Variants in MSRA observed in about 807,000 individuals in gnomAD.
MSRA encodes mitochondrial peptide methionine sulfoxide reductase.
MSRA carries 54 observed loss-of-function variants against 31.3 expected under a neutral mutation model. That is an observed-to-expected ratio of 1.73 (90% CI 1.39 to 2.17). The LOEUF is 2.17. MSRA is among the 30% of genes most tolerant of loss of function. MSRA has a pLI of 0.00. For synonymous variants in MSRA, 169 were observed against 116.5 expected (o/e 1.45, Z -2.90); for missense variants, 507 against 300.9 (o/e 1.69, Z -5.07).
At chr8:10,125,585 G>C (rs1801441897) in intron 1 of MSRA, among the ~76,000 whole-genome samples, 3 of 152,192 alleles carry the variant, frequency 2.0e-5, no homozygotes, top group African/African-American at 4.8e-5. Context: ...CCTGAACCGG[G>C]CTAAGGAGCT....
intron 1 of MSRA, among the ~76,000 whole-genome samples, chr8:10,071,237 T>C (rs536796750): frequency 9.3e-4 from 142 of 152,362 alleles, no homozygotes; most frequent in African/African-American, 3.1e-3. Context: ...TTTTACTTTT[T>C]ATTTCGTTGG....
At chr8:10,276,689 A>G (rs1333063432) in intron 3 of MSRA, among the ~76,000 whole-genome samples, 1 of 152,208 alleles carries the variant, frequency 6.6e-6, no homozygotes, top group East Asian at 1.9e-4. Flanking sequence ...TGCAGTTTCT[A>G]AGAGAAGTCT....
intron 5 of MSRA, among the ~76,000 whole-genome samples, chr8:10,360,424 G>A (rs901429378): frequency 1.3e-5 from 2 of 152,198 alleles, no homozygotes; most frequent in African/African-American, 4.8e-5. Flanking sequence ...TAGTTTTGTT[G>A]TAAATGTTGT....
intron 5 of MSRA, chr8:10,326,574 A>G (rs1001565520): frequency 6.6e-6 from 1 of 152,184 alleles, no homozygotes; most frequent in African/African-American, 2.4e-5. Context: ...TGCTTACAGA[A>G]TTTGACAGCT....
chr8:10,162,282 G>A (rs1804730974), intron 1 of MSRA, among the ~76,000 whole-genome samples: 1 of 152,172 alleles, frequency 6.6e-6, no homozygotes, highest in Non-Finnish European at 1.5e-5. Flanking sequence ...GACCCTTCAT[G>A]AATGGGATTG....
chr8:10,198,833 T>G (rs1038359942), intron 1 of MSRA, among the ~76,000 whole-genome samples: 1 of 152,196 alleles, frequency 6.6e-6, no homozygotes, highest in African/African-American at 2.4e-5. Flanking sequence ...CTCGCTATGT[T>G]GCCCAGGTTG....
chr8:10,133,853 T>C (rs190768875), intron 1 of MSRA, among the ~76,000 whole-genome samples: 25 of 152,206 alleles, frequency 1.6e-4, no homozygotes, highest in African/African-American at 6.0e-4. Context: ...TTTTTTGAGA[T>C]GGAGTCTCGC....
At chr8:10,128,101 G>T (rs1171989504) in intron 1 of MSRA, among the ~76,000 whole-genome samples, 2 of 152,100 alleles carry the variant, frequency 1.3e-5, no homozygotes, top group East Asian at 3.9e-4. Flanking sequence ...GTCTAGGCCA[G>T]GTGCGATGGC....
At chr8:10,311,135 C>T (rs888000997) in intron 4 of MSRA, among the ~76,000 whole-genome samples, 5 of 152,138 alleles carry the variant, frequency 3.3e-5, no homozygotes, top group African/African-American at 1.2e-4. Context: ...GTAACACTGG[C>T]AGGAACTAGG....
chr8:10,184,699 T>A (rs1287003925), intron 1 of MSRA, among the ~76,000 whole-genome samples: 1 of 152,186 alleles, frequency 6.6e-6, no homozygotes, highest in East Asian at 1.9e-4. Flanking sequence ...TAACAACTTG[T>A]GTAGACAGGT....
chr8:10,096,838 G>T lies in MSRA; in HGVS notation c.142+42180G>T, dbSNP rs1270544679. ...TGTGTTACTGTGGATCACCCTGATT[G>T]TAAGTATTCTGTTTTTAAAGACAGT... On this transcript the variant is annotated intron_variant, in intron 1 of 5. Coordinates refer to ENST00000317173, the MANE Select transcript of MSRA (RefSeq NM_012331.5). Among the ~76,000 whole-genome samples the T allele has an allele frequency of 2.6e-5, 4 of 152,132 alleles. No individual in the cohort carries two copies. In the South Asian group the frequency reaches 8.3e-4, roughly 31 times the overall value.
At chr8:10,288,342 C>G (rs189676328) in intron 3 of MSRA, among the ~76,000 whole-genome samples, 1 of 152,196 alleles carries the variant, frequency 6.6e-6, no homozygotes, top group East Asian at 1.9e-4. Context: ...TTTTTGTCCC[C>G]CAAGAACCGA....
intron 1 of MSRA, among the ~76,000 whole-genome samples, chr8:10,108,364 T>C (rs1159125408): frequency 2.0e-5 from 3 of 152,170 alleles, no homozygotes; most frequent in Non-Finnish European, 2.9e-5. Context: ...ACCACCCTAG[T>C]GGCTGATGGG....
intron 3 of MSRA, among the ~76,000 whole-genome samples, chr8:10,271,803 C>T (rs1247726409): frequency 6.6e-6 from 1 of 151,232 alleles, no homozygotes; most frequent in Non-Finnish European, 1.5e-5. Context: ...ACCGCAACCT[C>T]GGCCTCCTGG....
intron 1 of MSRA, among the ~76,000 whole-genome samples, chr8:10,194,767 G>T (rs1044220322): frequency 8.5e-5 from 13 of 152,174 alleles, no homozygotes; most frequent in Non-Finnish European, 1.6e-4. Context: ...GCATGAGGCT[G>T]ATCAGAGCTC....
chr8:10,055,854 T>G (rs1305731719), intron 1 of MSRA, among the ~76,000 whole-genome samples: 2 of 152,288 alleles, frequency 1.3e-5, no homozygotes, highest in Admixed American at 6.5e-5. Context: ...TTAGAAATCG[T>G]GTGACTGGCT....
At chr8:10,421,973 C>G (rs10113408) in intron 5 of MSRA, among the ~76,000 whole-genome samples, 20,940 of 152,232 alleles carry the variant, frequency 0.14, 2,491 homozygotes, top group East Asian at 0.52. Context: ...GGAGCCAGTA[C>G]TCTGCAGTAG....
intron 1 of MSRA, among the ~76,000 whole-genome samples, chr8:10,160,847 A>G (rs1176303324): frequency 1.3e-5 from 2 of 152,224 alleles, no homozygotes; most frequent in Non-Finnish European, 2.9e-5. Context: ...TTTTTAAAAA[A>G]CATGAATCCA....
chr8:10,329,513 A>AC (rs1802570213), intron 5 of MSRA, among the ~76,000 whole-genome samples: 1 of 151,706 alleles, frequency 6.6e-6, no homozygotes, highest in African/African-American at 2.4e-5. Flanking sequence ...CCGCATCTCA[A>AC]CCCCCCTTAT....
Sources: allele counts gnomAD v4.1 joint callset (sites outside exome capture counted in the v4.1 genomes callset), GRCh38; gene constraint gnomAD v4.1.1; transcripts MANE v1.5; gene names NCBI Gene and HGNC (gene_info 2026-07-23, HGNC 2026-07-21).